Variants in SLMAP observed in about 807,000 individuals in gnomAD.
SLMAP encodes the protein sarcolemmal membrane-associated protein.
SLMAP carries 44 observed loss-of-function variants against 128.8 expected under a neutral mutation model. The observed-to-expected ratio is 0.34, with a 90% CI of 0.27 to 0.44. SLMAP has a LOEUF of 0.44. Among genes scored for constraint, SLMAP ranks in the 20% least tolerant of loss-of-function variants. The pLI is 1.00. For missense variants in SLMAP, 787 were observed against 985.3 expected (o/e 0.80, Z 2.69); for synonymous variants, 327 against 348.8 (o/e 0.94, Z 0.70).
intron 8 of SLMAP, among the ~76,000 whole-genome samples, chr3:57,860,211 C>T (rs2094981396): frequency 6.6e-6 from 1 of 152,102 alleles, no homozygotes; most frequent in Admixed American, 6.6e-5. Context: ...GTGTAAATGT[C>T]TTCAGAGTGA....
intron 2 of SLMAP, among the ~76,000 whole-genome samples, chr3:57,809,709 A>G (rs766543669): frequency 6.6e-6 from 1 of 152,254 alleles, no homozygotes; most frequent in South Asian, 2.1e-4. Context: ...TCACAGACCA[A>G]CTGGCTCACA....
At chr3:57,850,897 A>G (rs1339998197) in intron 6 of SLMAP, among the ~76,000 whole-genome samples, 2 of 152,156 alleles carry the variant, frequency 1.3e-5, no homozygotes, top group Non-Finnish European at 2.9e-5. Flanking sequence ...AGCCTCCCAA[A>G]GTGTTGGGAT....
chr3:57,798,184 G>T (rs114263609), intron 2 of SLMAP, among the ~76,000 whole-genome samples: 1,613 of 152,196 alleles, frequency 0.011, 30 homozygotes, highest in African/African-American at 0.036. Context: ...GAGGTGGGTG[G>T]TTTCTTAAAT....
chr3:57,879,104 C>T (rs2095667338), intron 14 of SLMAP, among the ~76,000 whole-genome samples: 1 of 152,214 alleles, frequency 6.6e-6, no homozygotes, highest in Non-Finnish European at 1.5e-5. Flanking sequence ...GTGATCCTCC[C>T]AATTTGGCCT....
At chr3:57,795,260 C>T (rs2153480964) in intron 2 of SLMAP, among the ~76,000 whole-genome samples, 2 of 152,288 alleles carry the variant, frequency 1.3e-5, no homozygotes, top group African/African-American at 4.8e-5. Flanking sequence ...AAAATTGGGG[C>T]CGTGCATGGT....
chr3:57,852,146 C>T (rs749364362), intron 6 of SLMAP, among the ~76,000 whole-genome samples: 37 of 150,082 alleles, frequency 2.5e-4, no homozygotes, highest in Non-Finnish European at 5.0e-4. Context: ...CTCCTGACCT[C>T]GTTATCTGCC....
At chr3:57,877,831 CTTT>C (rs57685937) in intron 14 of SLMAP, among the ~76,000 whole-genome samples, 3 of 111,680 alleles carry the variant, frequency 2.7e-5, no homozygotes, top group Non-Finnish European at 3.7e-5. Context: ...TTTTTTCCTT[CTTT>C]TTTTTTTTTT....
chr3:57,769,852 A>AT, intron 2 of SLMAP, among the ~76,000 whole-genome samples: 1 of 152,264 alleles, frequency 6.6e-6, no homozygotes, highest in East Asian at 1.9e-4. Flanking sequence ...ATCTTGAAAT[A>AT]TTTGTTTCTA....
chr3:57,909,269 A>G (rs1297027159), intron 19 of SLMAP, 119 bp downstream of exon 19: 1 of 680,012 alleles, frequency 1.5e-6, no homozygotes, highest in Non-Finnish European at 2.5e-6. Context: ...TGGGAGGCCG[A>G]GAAGGGTGGA....
chr3:57,912,959 T>C (rs1190790855), intron 20 of SLMAP, among the ~76,000 whole-genome samples, 199 bp from the exon 21 acceptor site: 1 of 152,208 alleles, frequency 6.6e-6, no homozygotes, highest in Non-Finnish European at 1.5e-5. Flanking sequence ...AAAAAAATAC[T>C]ATTGTTCAAG....
chr3:57,860,133 C>T (rs888786746), intron 8 of SLMAP, among the ~76,000 whole-genome samples: 2 of 152,158 alleles, frequency 1.3e-5, no homozygotes, highest in Non-Finnish European at 2.9e-5. Flanking sequence ...CCTCCCATCT[C>T]GGCCTCCCAA....
intron 17 of SLMAP, chr3:57,898,829 T>C (rs1281212735): frequency 6.6e-6 from 1 of 152,232 alleles, no homozygotes; most frequent in East Asian, 1.9e-4. Context: ...ATTTGTAATA[T>C]GTCCTTGGCA....
chr3:57,925,831 C>T lies in SLMAP; in HGVS notation c.2446-14C>T. 1 of 1,534,332 alleles carries T rather than the reference C, an allele frequency of 6.5e-7. No homozygotes were observed. Among genetic ancestry groups the T allele is most frequent in the Non-Finnish European group, 8.8e-7 (1 of 1,131,916 alleles). On this transcript the variant is annotated splice_polypyrimidine_tract_variant and intron_variant, in intron 23 of 24. Coordinates refer to ENST00000671191, the MANE Select transcript of SLMAP (RefSeq NM_001377540.1). Reference sequence around the variant, plus strand: ...ATAGCATAAAATGATTTTAATATGCCTTCCCTTCTTTAGCCTTCCATATTA... The same window carrying T: ...ATAGCATAAAATGATTTTAATATGCTTTCCCTTCTTTAGCCTTCCATATTA...
chr3:57,759,452 T>TAAACC (rs748165608), intron 2 of SLMAP, among the ~76,000 whole-genome samples: 1 of 152,150 alleles, frequency 6.6e-6, no homozygotes, highest in Non-Finnish European at 1.5e-5. Context: ...TAATTTTGTA[T>TAAACC]TTTTAGTAGA....
intron 2 of SLMAP, among the ~76,000 whole-genome samples, chr3:57,779,439 G>A (rs2082555139): frequency 6.7e-6 from 1 of 149,200 alleles, no homozygotes; most frequent in Admixed American, 6.7e-5. Context: ...AGCCCAGGAA[G>A]TTGAGGCTGC....
intron 2 of SLMAP, among the ~76,000 whole-genome samples, chr3:57,809,617 G>T (rs530365460): frequency 6.6e-6 from 1 of 152,228 alleles, no homozygotes; most frequent in Non-Finnish European, 1.5e-5. Flanking sequence ...CTTCAGACCA[G>T]TGAGGGCCTA....
chr3:57,873,466 G>A (rs1403887834), intron 14 of SLMAP, among the ~76,000 whole-genome samples: 1 of 151,994 alleles, frequency 6.6e-6, no homozygotes, highest in Non-Finnish European at 1.5e-5. Flanking sequence ...TTGTGCCACT[G>A]CACTCCAGCC....
intron 2 of SLMAP, among the ~76,000 whole-genome samples, chr3:57,819,586 C>G (rs2092311173): frequency 6.6e-6 from 1 of 151,998 alleles, no homozygotes; most frequent in Admixed American, 6.6e-5. Context: ...CTCTTAATGA[C>G]TGTATAGATC....
intron 24 of SLMAP, among the ~76,000 whole-genome samples, chr3:57,926,717 T>G (rs1210284829): frequency 6.6e-6 from 1 of 152,222 alleles, no homozygotes; most frequent in African/African-American, 2.4e-5. Flanking sequence ...GTGGCTTTAT[T>G]ACACTGAACA....
Sources: allele counts gnomAD v4.1 joint callset (sites outside exome capture counted in the v4.1 genomes callset), GRCh38; gene constraint gnomAD v4.1.1; transcripts MANE v1.5; gene names NCBI Gene and HGNC (gene_info 2026-07-23, HGNC 2026-07-21).